ZNF565: variants seen among roughly 807,000 people sequenced by gnomAD.
ZNF565 encodes the protein zinc finger protein 565.
In ZNF565, 27 loss-of-function variants were observed where a neutral mutation model predicts 39.4. The observed-to-expected ratio is 0.69, with a 90% CI of 0.51 to 0.95. ZNF565 has a LOEUF of 0.95. Ranked by LOEUF, ZNF565 falls within the 40% of genes least tolerant of loss-of-function variation. The pLI is 0.00. For missense variants in ZNF565, 524 were observed against 621.1 expected (o/e 0.84, Z 1.66); for synonymous variants, 185 against 216.6 (o/e 0.85, Z 1.28).
rs1264638317 is a variant in ZNF565, at chr19:36,201,863, G to A, written c.9+114C>T. 3 of 1,287,806 alleles carry A rather than the reference G, an allele frequency of 2.3e-6. No homozygotes were observed. The Admixed American group carries it at 5.6e-5, about 24-fold the overall frequency. The allele number at this position is 1,287,806 out of a possible 1,614,324, so 79.8% of individuals were successfully genotyped here. On this transcript the variant is annotated intron_variant, in intron 2 of 4. Coordinates refer to ENST00000304116, the MANE Select transcript of ZNF565 (RefSeq NM_152477.5). Reference sequence around the variant, plus strand: ...ACTTGGGCACCATTACTCATCTCCTGGAATGGACCAACTGTGAGAAGGATA... The same window carrying A: ...ACTTGGGCACCATTACTCATCTCCTAGAATGGACCAACTGTGAGAAGGATA...
At chr19:36,208,695 G>T (rs1198183029) in intron 1 of ZNF565, among the ~76,000 whole-genome samples, 1 of 152,150 alleles carries the variant, frequency 6.6e-6, no homozygotes, top group Non-Finnish European at 1.5e-5. Flanking sequence ...AAGGGCCTAG[G>T]CTCAGGGGCT....
intron 2 of ZNF565, among the ~76,000 whole-genome samples, chr19:36,199,212 C>T (rs1171370854): frequency 4.6e-5 from 7 of 152,198 alleles, no homozygotes; most frequent in Non-Finnish European, 1.0e-4. Context: ...ACCTGAGTTA[C>T]ATAAATGTGG....
chr19:36,184,524 CA>C (rs752134679), intron 4 of ZNF565, among the ~76,000 whole-genome samples: 1 of 151,934 alleles, frequency 6.6e-6, no homozygotes, highest in Admixed American at 6.6e-5. Flanking sequence ...CCTGGCCTCC[CA>C]AAGTGCTGGG....
Position 36,193,918 on chromosome 19 carries a change from G to A in ZNF565, c.232+315C>T, listed in dbSNP as rs575345199. On this transcript the variant is annotated intron_variant, in intron 4 of 4. Transcript: ENST00000304116. The stretch of plus-strand genomic sequence containing the variant: ...CCACTGCACTCCAGCATGGGTGACA[G>A]AGTGAGATCCTGTCTCTTAAAGAAA... Among the ~76,000 whole-genome samples the A allele has an allele frequency of 9.9e-5, 15 of 152,248 alleles. No individual in the cohort carries two copies. In the East Asian group the frequency reaches 2.9e-3, roughly 29 times the overall value.
chr19:36,201,906 A>G, intron 2 of ZNF565, 71 bp downstream of exon 2: 4 of 1,563,880 alleles, frequency 2.6e-6, no homozygotes, highest in Non-Finnish European at 3.5e-6. Context: ...GTTCCAGGAT[A>G]AAGAACACAG....
At chr19:36,200,409 A>G (rs975093622) in intron 2 of ZNF565, among the ~76,000 whole-genome samples, 2 of 152,018 alleles carry the variant, frequency 1.3e-5, no homozygotes, top group South Asian at 2.1e-4. Flanking sequence ...ACATAACTCT[A>G]TTGTCAAAAT....
At position 36,182,638 on chromosome 19, in the gene ZNF565, C is replaced by G. The variant is rs147168001; in HGVS notation, c.1328G>C (p.Cys443Ser). The change falls in exon 5 of 5, where the codon TGT becomes TCT. Residue 443 changes from cysteine (C) to serine (S), a missense_variant. By Grantham distance (112) the Cys-to-Ser change is moderately radical. Coordinates refer to ENST00000304116, the MANE Select transcript of ZNF565 (RefSeq NM_152477.5). ...CTCCCTGCATTCATAGGGTTTCTCACAAGTGTGAATTCGCTGATGATGAGT... is the reference window on the plus strand; with the variant it reads ...CTCCCTGCATTCATAGGGTTTCTCAGAAGTGTGAATTCGCTGATGATGAGT... ...QLTHHQRIHT[C>S]EKPYECRECG... 1 of 1,614,108 alleles carries G rather than the reference C, an allele frequency of 6.2e-7. No individual in the cohort carries two copies. The highest frequency in any genetic ancestry group is 1.1e-5 in the South Asian group (1 of 91,084).
chr19:36,185,288 C>T (rs1975249008), intron 4 of ZNF565, among the ~76,000 whole-genome samples: 1 of 151,824 alleles, frequency 6.6e-6, no homozygotes, highest in Non-Finnish European at 1.5e-5. Flanking sequence ...GTGGCACATG[C>T]CTGTAATCCT....
In ZNF565 at chr19:36,182,473, G is replaced by C; in HGVS notation, c.1493C>G (p.Thr498Ser). 2 of 1,562,430 alleles carry C rather than the reference G, an allele frequency of 1.3e-6. No individual in the cohort carries two copies. The highest frequency in any genetic ancestry group is 1.7e-6 in the Non-Finnish European group (2 of 1,155,338). Residue 498 changes from threonine (T) to serine (S), a missense_variant, in exon 5 of 5, where the codon ACT becomes AGT. Coordinates refer to ENST00000304116, the MANE Select transcript of ZNF565 (RefSeq NM_152477.5). The part of the protein sequence containing the change: ...SQLIEHYRIH[T>S]G The stretch of plus-strand genomic sequence containing the variant: ...CCTTACACTCAAGGCTTTCTAACCA[G>C]TATGAATTCTGTAGTGTTCAATGAG...
intron 1 of ZNF565, among the ~76,000 whole-genome samples, chr19:36,204,673 A>C (rs1330730487): frequency 6.6e-6 from 1 of 152,144 alleles, no homozygotes; most frequent in Non-Finnish European, 1.5e-5. Context: ...ATAATGCTGG[A>C]GATGACATCA....
chr19:36,192,842 C>T (rs1027108115), intron 4 of ZNF565, among the ~76,000 whole-genome samples: 2 of 151,304 alleles, frequency 1.3e-5, no homozygotes, highest in African/African-American at 4.9e-5. Context: ...TTGAGATAGA[C>T]GTTCACTTTT....
At chr19:36,187,047 G>A (rs1975327004) in intron 4 of ZNF565, among the ~76,000 whole-genome samples, 1 of 152,012 alleles carries the variant, frequency 6.6e-6, no homozygotes, top group Non-Finnish European at 1.5e-5. Flanking sequence ...AAAATTATCT[G>A]GGCATGGTGG....
chr19:36,185,716 A>ATT (rs201279241), intron 4 of ZNF565, among the ~76,000 whole-genome samples: 4,260 of 125,052 alleles, frequency 0.034, 247 homozygotes, highest in African/African-American at 0.1. Context: ...CTCACTCTCT[A>ATT]TTTTTTTTTT....
intron 1 of ZNF565, among the ~76,000 whole-genome samples, chr19:36,238,927 G>C (rs1977746769): frequency 6.6e-6 from 1 of 152,104 alleles, no homozygotes. Context: ...TCTCATAGGA[G>C]CGCGAACCCT....
intron 1 of ZNF565, among the ~76,000 whole-genome samples, chr19:36,206,423 GCAAAGTAAGACCCCCATCTCTA>G (rs1192018725): frequency 6.7e-6 from 1 of 150,334 alleles, no homozygotes; most frequent in African/African-American, 2.5e-5. Context: ...AGCCTGGGCA[GCAAAGTAAGACCCCCATCTCTA>G]CAAAAAATTT....
chr19:36,190,860 C>T (rs1284109044), intron 4 of ZNF565, among the ~76,000 whole-genome samples: 7 of 151,436 alleles, frequency 4.6e-5, no homozygotes, highest in African/African-American at 7.3e-5. Flanking sequence ...GGCGTGGTGG[C>T]GCACTCCTGT....
chr19:36,202,545 G>A (rs1976004374), intron 1 of ZNF565, among the ~76,000 whole-genome samples: 1 of 152,092 alleles, frequency 6.6e-6, no homozygotes, highest in Non-Finnish European at 1.5e-5. Context: ...GATTACAGCT[G>A]ACACAGTCCC....
In ZNF565 at chr19:36,207,719, T is replaced by C. The variant is rs561401032; in HGVS notation, c.-65-5669A>G. The stretch of plus-strand genomic sequence containing the variant: ...AGCCCCTTGCACTTAGGTAGGGCCA[T>C]GCACTGCTCTAGCCAATGAAATCTC... On this transcript the variant is annotated intron_variant, in intron 1 of 4. Coordinates refer to ENST00000304116, the MANE Select transcript of ZNF565 (RefSeq NM_152477.5). 7.2e-5 allele frequency among the ~76,000 whole-genome samples: 11 copies of C among 152,304 alleles called. No homozygotes were observed. In the South Asian group the frequency reaches 2.1e-3, roughly 29 times the overall value.
At position 36,182,701 on chromosome 19, in the gene ZNF565, T is replaced by C; in HGVS notation, c.1265A>G (p.Lys422Arg). 3.1e-6 allele frequency: 5 copies of C among 1,614,214 alleles called. No homozygotes were observed. The highest frequency in any genetic ancestry group is 4.2e-6 in the Non-Finnish European group (5 of 1,180,032). Residue 422 changes from lysine (K) to arginine (R), a missense_variant, in exon 5 of 5, where the codon AAG (lysine) becomes AGG (arginine). Transcript: ENST00000304116. ...IHTGDKPYEC[K>R]ECGKAFIRVS... ...ACGAATAAAGGCCTTCCCACATTCC[T>C]TACATTCGTAGGGTTTGTCACCTGT...
Sources: allele counts gnomAD v4.1 joint callset (sites outside exome capture counted in the v4.1 genomes callset), GRCh38; gene constraint gnomAD v4.1.1; transcripts MANE v1.5; gene names NCBI Gene and HGNC (gene_info 2026-07-23, HGNC 2026-07-21).